The following TNR variants were observed in gnomAD, a reference collection of about 807,000 sequenced individuals.
TNR encodes the protein tenascin-R.
A neutral mutation model predicts 150.4 loss-of-function variants in TNR; 45 were observed. The observed-to-expected ratio is 0.30, with a 90% CI of 0.24 to 0.38. The LOEUF is 0.38. Ranked by LOEUF, TNR falls within the 10% of genes least tolerant of loss-of-function variation. TNR has a pLI of 1.00. For synonymous variants in TNR, 687 were observed against 678.4 expected, an observed-to-expected ratio of 1.01 and a Z score of -0.20; for missense variants, 1,544 against 1,759.1, an observed-to-expected ratio of 0.88 and a Z score of 2.19.
At chr1:175,393,387 T>C (rs912662507) in intron 6 of TNR, among the ~76,000 whole-genome samples, 1 of 152,222 alleles carries the variant, frequency 6.6e-6, no homozygotes, top group African/African-American at 2.4e-5. Context: ...ATGAAGCTTT[T>C]GGCTGATTAT....
chr1:175,662,403 A>T (rs181520688), intron 1 of TNR, among the ~76,000 whole-genome samples: 2 of 144,790 alleles, frequency 1.4e-5, no homozygotes, highest in South Asian at 2.3e-4. Flanking sequence ...TCACAATTTG[A>T]CTCCTGATCA....
At chr1:175,587,105 C>T (rs1162632202) in intron 1 of TNR, among the ~76,000 whole-genome samples, 1 of 152,190 alleles carries the variant, frequency 6.6e-6, no homozygotes. Flanking sequence ...CATGACTTTT[C>T]CTTCAAGAAA....
chr1:175,742,069 A>G (rs972123058), intron 1 of TNR, among the ~76,000 whole-genome samples: 2 of 152,220 alleles, frequency 1.3e-5, no homozygotes, highest in African/African-American at 2.4e-5. Context: ...GAATGACTCA[A>G]CCAGGTAGGT....
At chr1:175,609,132 C>T (rs567702132) in intron 1 of TNR, among the ~76,000 whole-genome samples, 1 of 152,292 alleles carries the variant, frequency 6.6e-6, no homozygotes, top group Admixed American at 6.5e-5. Flanking sequence ...GAGCACTTTG[C>T]AGCAGAAAGG....
rs146394989 is a variant in TNR, at chr1:175,723,751, G to A, written c.-165+19475C>T. 1.6e-4 allele frequency among the ~76,000 whole-genome samples: 24 copies of A among 152,170 alleles called. No homozygotes were observed. The East Asian group carries it at 2.7e-3, about 17-fold the overall frequency. On this transcript the variant is annotated intron_variant, in intron 1 of 22. Coordinates refer to ENST00000367674, the MANE Select transcript of TNR (RefSeq NM_003285.3). ...AAATTAGCTGAGCGTGGTGGCTCAC[G>A]CCTGTAATCCCAACTATTCAAGAGG...
At chr1:175,617,025 C>A (rs907357938) in intron 1 of TNR, among the ~76,000 whole-genome samples, 4 of 152,198 alleles carry the variant, frequency 2.6e-5, no homozygotes, top group Admixed American at 1.3e-4. Flanking sequence ...TTCCACCACT[C>A]CCAAAATAAA....
rs533213968 is a variant in TNR at position 175,666,947 on chromosome 1, C to T, written c.-165+76279G>A. On this transcript the variant is annotated intron_variant, in intron 1 of 22. Transcript: ENST00000367674. Reference sequence around the variant, plus strand: ...AACATTTTTTTTATAGAGACAGGGTCTTACTATATTAACCTGGGTGGTCTT... The same window carrying T: ...AACATTTTTTTTATAGAGACAGGGTTTTACTATATTAACCTGGGTGGTCTT... 2.0e-5 allele frequency among the ~76,000 whole-genome samples: 3 copies of T among 152,224 alleles called. No homozygotes were observed. The South Asian group carries it at 6.2e-4, about 32-fold the overall frequency.
intron 9 of TNR, among the ~76,000 whole-genome samples, chr1:175,376,269 C>T (rs911902249): frequency 5.9e-5 from 9 of 152,186 alleles, no homozygotes; most frequent in African/African-American, 1.4e-4. Flanking sequence ...TCATCTCTTT[C>T]GTCTTCACCA....
chr1:175,329,462 A>G (rs531364164), intron 21 of TNR, among the ~76,000 whole-genome samples: 1 of 152,344 alleles, frequency 6.6e-6, no homozygotes, highest in South Asian at 2.1e-4. Context: ...CTGACCGTCT[A>G]TGTGGTTCTT....
chr1:175,569,658 A>C (rs1402292789), intron 1 of TNR, among the ~76,000 whole-genome samples: 1 of 152,234 alleles, frequency 6.6e-6, no homozygotes, highest in Non-Finnish European at 1.5e-5. Flanking sequence ...TGTCATCAAA[A>C]TTAATAGCAC....
In TNR at chr1:175,516,084, T is replaced by C. The variant is rs74674282; in HGVS notation, c.-64+12185A>G. ...TTGTGATTATAGGCTTGGCTCTTGG[T>C]TTTTTATTCAGAACCATTTATTCAG... On this transcript the variant is annotated intron_variant, in intron 2 of 22. Transcript: ENST00000367674. Among the ~76,000 whole-genome samples the C allele has an allele frequency of 8.4e-3, 1,278 of 152,258 alleles. 15 individuals carry two copies. The highest frequency in any genetic ancestry group is 0.029 in the African/African-American group (1,212 of 41,540).
chr1:175,658,792 C>A (rs893985211), intron 1 of TNR, among the ~76,000 whole-genome samples: 6 of 152,202 alleles, frequency 3.9e-5, no homozygotes, highest in African/African-American at 1.2e-4. Flanking sequence ...GACAGAATTT[C>A]TCCTTTCCTC....
rs558527076 is a variant in TNR at position 175,497,697 on chromosome 1, C to T, written c.-64+30572G>A. ...GCTCAGACATATTATCTGCCCTAGG[C>T]CCTCATCGGTACCATGAGTCGGTCC... On this transcript the variant is annotated intron_variant, in intron 2 of 22. Coordinates refer to ENST00000367674, the MANE Select transcript of TNR (RefSeq NM_003285.3). Among the ~76,000 whole-genome samples, 24 of 152,254 alleles carry T rather than the reference C, an allele frequency of 1.6e-4. No individual in the cohort carries two copies. The South Asian group carries it at 4.8e-3, about 30-fold the overall frequency.
intron 1 of TNR, among the ~76,000 whole-genome samples, chr1:175,736,074 G>A (rs958610170): frequency 6.6e-6 from 1 of 152,208 alleles, no homozygotes; most frequent in East Asian, 1.9e-4. Context: ...TTGCTAGCTT[G>A]TTGAAACACC....
intron 1 of TNR, among the ~76,000 whole-genome samples, chr1:175,624,103 C>T (rs1192812325): frequency 1.3e-5 from 2 of 152,224 alleles, no homozygotes; most frequent in Non-Finnish European, 1.5e-5. Context: ...TATAGAATTC[C>T]ACCTTCAGAG....
At chr1:175,359,794 G>A in intron 14 of TNR, 63 bp from the exon 15 acceptor site, 1 of 1,541,680 alleles carries the variant, frequency 6.5e-7, no homozygotes, top group Non-Finnish European at 8.7e-7. Flanking sequence ...TGCAGGGAAT[G>A]ATCTCAGAAG....
chr1:175,623,525 G>A (rs1402314801), intron 1 of TNR, among the ~76,000 whole-genome samples: 1 of 152,100 alleles, frequency 6.6e-6, no homozygotes, highest in East Asian at 1.9e-4. Flanking sequence ...TCTTTTTCTG[G>A]CCACATTGCT....
intron 1 of TNR, among the ~76,000 whole-genome samples, chr1:175,666,629 G>A (rs535497396): frequency 4.6e-5 from 7 of 152,324 alleles, no homozygotes; most frequent in South Asian, 2.1e-4. Flanking sequence ...GACGAACGTC[G>A]GACTGGCTGG....
At chr1:175,714,824 G>A (rs2101939185) in intron 1 of TNR, among the ~76,000 whole-genome samples, 1 of 152,296 alleles carries the variant, frequency 6.6e-6, no homozygotes, top group East Asian at 1.9e-4. Context: ...CAGAGTCTGT[G>A]GCTCAGCCTG....
Sources: allele counts gnomAD v4.1 joint callset (sites outside exome capture counted in the v4.1 genomes callset), GRCh38; gene constraint gnomAD v4.1.1; transcripts MANE v1.5; gene names NCBI Gene and HGNC (gene_info 2026-07-23, HGNC 2026-07-21).